PCSK6: variants seen among roughly 807,000 people sequenced by gnomAD.
PCSK6 encodes proprotein convertase subtilisin/kexin type 6, also known as paired basic amino acid cleaving enzyme 4.
A neutral mutation model predicts 123.3 loss-of-function variants in PCSK6; 85 were observed. The observed-to-expected ratio is 0.69, with a 90% CI of 0.58 to 0.83. PCSK6 has a LOEUF of 0.83. Ranked by LOEUF, PCSK6 falls within the 40% of genes least tolerant of loss-of-function variation. The pLI, the probability that PCSK6 is intolerant of heterozygous loss-of-function variation, is 0.00. For missense variants in PCSK6, 1,191 were observed against 1,282.3 expected (o/e 0.93, Z 1.09); for synonymous variants, 508 against 516.0 (o/e 0.98, Z 0.21).
intron 1 of PCSK6, among the ~76,000 whole-genome samples, chr15:101,478,537 C>T (rs1298862180): frequency 6.6e-6 from 1 of 152,194 alleles, no homozygotes; most frequent in East Asian, 1.9e-4. Context: ...CTGTGGCTTC[C>T]CCGGTCCTCT....
At chr15:101,323,233 C>G (rs1361283421) in intron 17 of PCSK6, among the ~76,000 whole-genome samples, 3 of 152,226 alleles carry the variant, frequency 2.0e-5, no homozygotes, top group Non-Finnish European at 4.4e-5. Flanking sequence ...GTGTCCCCCT[C>G]AGGGCCCCCA....
chr15:101,431,107 G>T (rs745711153), intron 4 of PCSK6, among the ~76,000 whole-genome samples: 1 of 152,202 alleles, frequency 6.6e-6, no homozygotes, highest in Non-Finnish European at 1.5e-5. Flanking sequence ...GACTGTGCAA[G>T]CATGTGGATG....
In PCSK6 at chr15:101,439,635, C is replaced by T. The variant is rs571316902; in HGVS notation, c.402+3921G>A. 2.0e-5 allele frequency among the ~76,000 whole-genome samples: 3 copies of T among 152,240 alleles called. No homozygotes were observed. In the South Asian group the frequency reaches 6.2e-4, roughly 32 times the overall value. On this transcript the variant is annotated intron_variant, in intron 2 of 21. Coordinates refer to ENST00000611716, the MANE Select transcript of PCSK6 (RefSeq NM_002570.5). ...GTCAGGAACTTTCTGTTTGTTTGCA[C>T]TTTGAATTGCTCTAGCACACAAAAC... is the stretch of plus-strand genomic sequence containing the variant.
chr15:101,383,937 G>T, intron 10 of PCSK6: 2 of 182,036 alleles, frequency 1.1e-5, no homozygotes, highest in Non-Finnish European at 2.1e-5. Context: ...GTCCTGCTGT[G>T]TTGTCCAGGC....
chr15:101,423,617 T>A (rs929661561), intron 6 of PCSK6, among the ~76,000 whole-genome samples: 1 of 152,040 alleles, frequency 6.6e-6, no homozygotes, highest in Non-Finnish European at 1.5e-5. Context: ...ATTAGTTAAC[T>A]TGAAGTTCAA....
chr15:101,369,739 C>A (rs1344282778), intron 12 of PCSK6, among the ~76,000 whole-genome samples: 1 of 128,382 alleles, frequency 7.8e-6, no homozygotes, highest in Non-Finnish European at 1.6e-5. Flanking sequence ...GAAATGACTC[C>A]ATAGCCTCCC....
intron 2 of PCSK6, among the ~76,000 whole-genome samples, chr15:101,437,528 C>G (rs539846863): frequency 6.6e-6 from 1 of 152,168 alleles, no homozygotes; most frequent in Non-Finnish European, 1.5e-5. Flanking sequence ...GCTCCCTCCC[C>G]ACTGCCTCCC....
Position 101,393,231 on chromosome 15 carries a change from GC to G in PCSK6, c.1189del (p.Ala397ProfsTer38). 1 of 1,613,370 alleles carries G rather than the reference GC, an allele frequency of 6.2e-7. No individual in the cohort carries two copies. Among genetic ancestry groups the G allele is most frequent in the South Asian group, 1.1e-5 (1 of 90,950 alleles). On this transcript the variant is annotated frameshift_variant, in exon 8 of 22. Transcript: ENST00000611716. LOFTEE classifies it high-confidence loss of function. ...STLATTYSSGAFYERKIVTTD... is the reference protein window; with the variant it reads ...STLATTYSSGXFYERKIVTTD... ...ACTTACGATTTTTCGCTCATAAAAG[GC>G]CCCACTGCTGTAGGTGGTGGCCAGG...
At chr15:101,467,172 G>A (rs8032086) in intron 1 of PCSK6, among the ~76,000 whole-genome samples, 10 of 151,934 alleles carry the variant, frequency 6.6e-5, no homozygotes, top group South Asian at 2.1e-4. Flanking sequence ...TTCATATGCC[G>A]TATATGTACA....
chr15:101,442,511 C>T (rs1013794836), intron 2 of PCSK6, among the ~76,000 whole-genome samples: 3 of 152,086 alleles, frequency 2.0e-5, no homozygotes, highest in South Asian at 2.1e-4. Flanking sequence ...CCAGAGATAA[C>T]GCGTCTCTCC....
chr15:101,329,112 C>T (rs1368882897), intron 15 of PCSK6, among the ~76,000 whole-genome samples: 3 of 152,200 alleles, frequency 2.0e-5, no homozygotes, highest in Non-Finnish European at 2.9e-5. Context: ...AGGGGGGCTC[C>T]GTTCACGTGC....
At chr15:101,488,809 C>A (rs571296330) in intron 1 of PCSK6, among the ~76,000 whole-genome samples, 1 of 151,614 alleles carries the variant, frequency 6.6e-6, no homozygotes, top group African/African-American at 2.4e-5. Flanking sequence ...CATCTACCCC[C>A]GGGAGCCGCG....
At chr15:101,462,991 T>C in intron 1 of PCSK6, 1 of 457,214 alleles carries the variant, frequency 2.2e-6, no homozygotes, top group Middle Eastern at 6.6e-4. Context: ...AGGAGGGCCG[T>C]TTCCTCCTCC....
Position 101,331,650 on chromosome 15 carries a change from C to A in PCSK6, c.2077+1G>T. 6.2e-7 allele frequency: 1 copy of A among 1,613,396 alleles called. No individual in the cohort carries two copies. Among genetic ancestry groups the A allele is most frequent in the Non-Finnish European group, 8.5e-7 (1 of 1,179,522 alleles). ...TACTTACTGGTTTGAAGCATACTTA[C>A]TGGTCTGTAAAATATTAGCAGAGCC... On this transcript the variant is annotated splice_donor_variant, in intron 15 of 21. Coordinates refer to ENST00000611716, the MANE Select transcript of PCSK6 (RefSeq NM_002570.5). LOFTEE classifies it high-confidence loss of function.
chr15:101,432,340 T>C (rs1187333787), intron 2 of PCSK6, among the ~76,000 whole-genome samples: 1 of 148,692 alleles, frequency 6.7e-6, no homozygotes, highest in African/African-American at 2.5e-5. Context: ...GTCGTTGTAC[T>C]AAAAGAAAGA....
rs1290573309 is a variant in PCSK6, at chr15:101,489,367, C to A, written c.297+7G>T. 8.4e-7 allele frequency: 1 copy of A among 1,188,866 alleles called. No homozygotes were observed. The allele number at this position is 1,188,866 out of a possible 1,614,324, so 73.6% of individuals were successfully genotyped here. A position where few individuals can be genotyped will look rare whatever the true frequency, so the allele number is the denominator to read the frequency against. On this transcript the variant is annotated splice_region_variant and intron_variant, in intron 1 of 21. Transcript: ENST00000611716. ...AGTTTTGGGCGCGCGGGGCCGGCCG[C>A]ACTCACCTGGCCCAAGTTGAGGTAC...
At chr15:101,445,523 T>C (rs543377568) in intron 1 of PCSK6, among the ~76,000 whole-genome samples, 10 of 152,356 alleles carry the variant, frequency 6.6e-5, no homozygotes, top group African/African-American at 2.4e-4. Flanking sequence ...ACAAGCACTT[T>C]TATTTTTCTT....
At chr15:101,308,267 A>T (rs1757243033) in intron 20 of PCSK6, 1 of 152,312 alleles carries the variant, frequency 6.6e-6, no homozygotes, top group African/African-American at 2.4e-5. Flanking sequence ...CATTGTTGCC[A>T]GTTAAGGGTG....
At chr15:101,401,387 C>T (rs1422588633) in intron 6 of PCSK6, among the ~76,000 whole-genome samples, 2 of 152,238 alleles carry the variant, frequency 1.3e-5, no homozygotes, top group East Asian at 1.9e-4. Flanking sequence ...TCCTCTCTTT[C>T]CTACCTCAGC....
Sources: gnomAD v4.1 joint callset for allele counts (sites outside exome capture counted in the v4.1 genomes callset) on GRCh38, gnomAD v4.1.1 for gene constraint, MANE v1.5 for transcripts, NCBI Gene and HGNC (gene_info 2026-07-23, HGNC 2026-07-21) for gene names.